Variants in GRM7 observed in about 807,000 individuals in gnomAD.
GRM7 encodes the protein glutamate metabotropic receptor 7.
GRM7 carries 35 observed loss-of-function variants against 84.5 expected under a neutral mutation model. The observed-to-expected ratio is 0.41, with a 90% CI of 0.32 to 0.55. GRM7 has a LOEUF of 0.55. Among genes scored for constraint, GRM7 ranks in the 20% least tolerant of loss-of-function variants. The pLI is 0.19. For synonymous variants in GRM7, 487 were observed against 455.1 expected, an observed-to-expected ratio of 1.07 and a Z score of -0.89; for missense variants, 1,003 against 1,194.6, an observed-to-expected ratio of 0.84 and a Z score of 2.36.
At chr3:7,089,139 G>T (rs1698570499) in intron 1 of GRM7, among the ~76,000 whole-genome samples, 1 of 151,984 alleles carries the variant, frequency 6.6e-6, no homozygotes, top group African/African-American at 2.4e-5. Context: ...AACTTTATTG[G>T]GTAGAGTTTA....
chr3:7,473,301 A>G (rs1281719090), intron 7 of GRM7, among the ~76,000 whole-genome samples: 2 of 152,010 alleles, frequency 1.3e-5, no homozygotes, highest in Admixed American at 6.6e-5. Context: ...AACCCCATCT[A>G]TACAAAAATT....
chr3:7,587,027 G>T (rs995334600), intron 8 of GRM7, among the ~76,000 whole-genome samples: 1 of 152,138 alleles, frequency 6.6e-6, no homozygotes, highest in Non-Finnish European at 1.5e-5. Flanking sequence ...GAGAAAATTT[G>T]GGGGGTAATA....
intron 1 of GRM7, among the ~76,000 whole-genome samples, chr3:7,010,690 G>A (rs1237831317): frequency 6.6e-6 from 1 of 152,146 alleles, no homozygotes; most frequent in African/African-American, 2.4e-5. Context: ...AAAATCAGGA[G>A]CTAGTTGAGA....
chr3:7,099,926 A>ATG (rs566164090), intron 1 of GRM7, among the ~76,000 whole-genome samples: 1 of 146,698 alleles, frequency 6.8e-6, no homozygotes, highest in Non-Finnish European at 1.5e-5. Context: ...TTAATATATT[A>ATG]TATATATTAT....
At chr3:7,305,853 A>C (rs139289734) in intron 3 of GRM7, among the ~76,000 whole-genome samples, 3 of 152,086 alleles carry the variant, frequency 2.0e-5, no homozygotes, top group African/African-American at 7.2e-5. Flanking sequence ...TGATCTACCA[A>C]TGCAGTTACA....
intron 8 of GRM7, among the ~76,000 whole-genome samples, chr3:7,659,091 G>A (rs371777928): frequency 6.6e-6 from 1 of 152,164 alleles, no homozygotes; most frequent in African/African-American, 2.4e-5. Context: ...TCATATTTCT[G>A]TTGAGCTGTC....
chr3:7,658,723 A>G (rs1699307836), intron 8 of GRM7, among the ~76,000 whole-genome samples: 1 of 152,228 alleles, frequency 6.6e-6, no homozygotes. Context: ...AGAATAGTCC[A>G]CAGAATGTCA....
intron 8 of GRM7, among the ~76,000 whole-genome samples, chr3:7,587,161 G>A (rs920002655): frequency 9.2e-5 from 14 of 151,990 alleles, no homozygotes; most frequent in South Asian, 6.2e-4. Context: ...AACCCATTAC[G>A]AATTGCTTTT....
chr3:7,425,774 A>T (rs1575318220), intron 5 of GRM7, among the ~76,000 whole-genome samples: 1 of 152,214 alleles, frequency 6.6e-6, no homozygotes, highest in East Asian at 1.9e-4. Context: ...ATTTAAAAAA[A>T]TACAAAAAAG....
At chr3:7,380,947 A>G (rs1352832283) in intron 4 of GRM7, among the ~76,000 whole-genome samples, 2 of 152,184 alleles carry the variant, frequency 1.3e-5, no homozygotes, top group African/African-American at 4.8e-5. Context: ...TGGAGACTAT[A>G]AAAGGAAGAC....
intron 4 of GRM7, among the ~76,000 whole-genome samples, chr3:7,335,090 C>A (rs73132242): frequency 0.039 from 5,919 of 152,132 alleles, 241 homozygotes; most frequent in African/African-American, 0.1. Flanking sequence ...GAACATTCTA[C>A]TCAACAACTA....
intron 2 of GRM7, among the ~76,000 whole-genome samples, chr3:7,150,042 G>A (rs1694234628): frequency 6.6e-6 from 1 of 151,826 alleles, no homozygotes; most frequent in African/African-American, 2.4e-5. Context: ...TCCTATGTAT[G>A]TAGAATATGT....
At chr3:7,153,133 A>ATT (rs34465661) in intron 2 of GRM7, among the ~76,000 whole-genome samples, 7,661 of 103,150 alleles carry the variant, frequency 0.074, 688 homozygotes, top group African/African-American at 0.21. Flanking sequence ...GGTACTGTGG[A>ATT]TTTTTTTTTT....
At chr3:7,337,216 C>A (rs544862820) in intron 4 of GRM7, among the ~76,000 whole-genome samples, 27 of 152,068 alleles carry the variant, frequency 1.8e-4, no homozygotes, top group Non-Finnish European at 4.0e-4. Flanking sequence ...GCAAGCCACA[C>A]GTCGAAGAAT....
intron 6 of GRM7, among the ~76,000 whole-genome samples, chr3:7,460,485 G>T (rs1214511486): frequency 6.6e-6 from 1 of 152,012 alleles, no homozygotes; most frequent in Non-Finnish European, 1.5e-5. Context: ...CCATCAATTT[G>T]GGTCAATGGC....
At chr3:6,982,138 C>A (rs1479919047) in intron 1 of GRM7, among the ~76,000 whole-genome samples, 2 of 152,144 alleles carry the variant, frequency 1.3e-5, no homozygotes, top group Non-Finnish European at 2.9e-5. Context: ...AAATCATGTG[C>A]TTTGTGGCAA....
At chr3:7,071,412 TATTCCATTCTAGCC>T (rs1645959037) in intron 1 of GRM7, among the ~76,000 whole-genome samples, 1 of 152,084 alleles carries the variant, frequency 6.6e-6, no homozygotes, top group South Asian at 2.1e-4. Context: ...AGAGGAAAAA[TATTCCATTCTAGCC>T]ATTCCAGAGG....
At chr3:6,974,827 A>AGTT (rs910547553) in intron 1 of GRM7, among the ~76,000 whole-genome samples, 3 of 152,172 alleles carry the variant, frequency 2.0e-5, no homozygotes, top group African/African-American at 7.2e-5. Context: ...AAAATTTGGG[A>AGTT]GTTGTGTAGA....
At chr3:7,193,441 A>T (rs1241144258) in intron 2 of GRM7, among the ~76,000 whole-genome samples, 1 of 152,108 alleles carries the variant, frequency 6.6e-6, no homozygotes, top group African/African-American at 2.4e-5. Flanking sequence ...CTTGTTGGCC[A>T]TTAGACCTCT....
Sources: gnomAD v4.1 joint callset for allele counts (sites outside exome capture counted in the v4.1 genomes callset) on GRCh38, gnomAD v4.1.1 for gene constraint, MANE v1.5 for transcripts, NCBI Gene and HGNC (gene_info 2026-07-23, HGNC 2026-07-21) for gene names.